Variants in CDHR2 observed in about 807,000 individuals in gnomAD.
CDHR2 encodes cadherin-related family member 2.
In CDHR2, 104 loss-of-function variants were observed where a neutral mutation model predicts 138.6. The observed-to-expected ratio is 0.75, with a 90% confidence interval of 0.64 to 0.88. The LOEUF is 0.88. Ranked by LOEUF, CDHR2 falls within the 40% of genes least tolerant of loss-of-function variation. CDHR2 has a pLI of 0.00. For missense variants in CDHR2, 1,624 were observed against 1,727.6 expected, an observed-to-expected ratio of 0.94 and a Z score of 1.06; for synonymous variants, 755 against 742.8, an observed-to-expected ratio of 1.02 and a Z score of -0.27.
chr5:176,548,901 G>C (rs1186641549), upstream of CDHR2, among the ~76,000 whole-genome samples: 4 of 152,110 alleles, frequency 2.6e-5, no homozygotes, highest in Non-Finnish European at 5.9e-5. Context: ...AGTCCTCCAC[G>C]AGAACCTCAC....
At chr5:176,544,362 C>CT (rs1382350241), upstream of CDHR2, among the ~76,000 whole-genome samples, 1 of 93,218 alleles carries the variant, frequency 1.1e-5, no homozygotes, top group African/African-American at 3.8e-5. Flanking sequence ...CTTTTCTTTT[C>CT]TTTCTTTCTT....
rs1412799507 is a variant in CDHR2 at position 176,568,988 on chromosome 5, C to T, written c.293C>T (p.Ser98Phe). 1 of 1,614,156 alleles carries T rather than the reference C, an allele frequency of 6.2e-7. No individual in the cohort carries two copies. The highest frequency in any genetic ancestry group is 1.7e-5 in the Admixed American group (1 of 60,026). The change falls in exon 5 of 32, where the codon TCC becomes TTC. Residue 98 changes from serine (S) to phenylalanine (F), a missense_variant. Ser to Phe is a radical substitution (Grantham distance 155, BLOSUM62 -2). Coordinates refer to ENST00000261944, the MANE Select transcript of CDHR2 (RefSeq NM_017675.6). The stretch of plus-strand genomic sequence containing the variant: ...CTCTACACATTCAAAGTCACCATCT[C>T]CGTGAGCGACCCCTACATCCAGGTG... ...ETLYTFKVTISVSDPYIQVQR... is the reference protein window; with the variant it reads ...ETLYTFKVTIFVSDPYIQVQR...
chr5:176,565,384 T>C lies in CDHR2; in HGVS notation c.32T>C (p.Leu11Pro). The change falls in exon 2 of 32, where the codon CTT becomes CCT. Residue 11 changes from leucine to proline, a missense_variant. By Grantham distance (98) the Leu-to-Pro change is moderately conservative. Coordinates refer to ENST00000261944, the MANE Select transcript of CDHR2 (RefSeq NM_017675.6). MAQLWLSCFL[L>P]PALVVSVAAN... is the part of the protein sequence containing the mutation. ...CAGCTATGGCTGTCCTGCTTCCTCC[T>C]TCCTGCCCTCGTGGTGTCTGGTAGG... 2 of 1,614,126 alleles carry C rather than the reference T, an allele frequency of 1.2e-6. No homozygotes were observed. Among genetic ancestry groups the C allele is most frequent in the Non-Finnish European group, 1.7e-6 (2 of 1,179,988 alleles).
chr5:176,552,608 G>A (rs10054967), intron 1 of CDHR2, among the ~76,000 whole-genome samples: 4,155 of 152,114 alleles, frequency 0.027, 218 homozygotes, highest in African/African-American at 0.095. Flanking sequence ...TTGCGCCTTC[G>A]CCAGCCCACA....
intron 28 of CDHR2, among the ~76,000 whole-genome samples, 190 bp downstream of exon 28, chr5:176,590,877 G>C (rs1758827109): frequency 1.3e-5 from 2 of 152,138 alleles, no homozygotes; most frequent in African/African-American, 4.8e-5. Flanking sequence ...TCTGTGAAAG[G>C]GCATGAGACT....
In CDHR2 at chr5:176,577,641, T is replaced by C; in HGVS notation, c.1355T>C (p.Val452Ala). Residue 452 changes from valine to alanine, a missense_variant, in exon 14 of 32, where the codon GTG becomes GCG. Physicochemically the swap from Val to Ala is moderately conservative, Grantham distance 64. This residue lies in a region of CDHR2 where 1,061 missense variants were observed against 1,136.6 expected (regional missense o/e 0.93). Transcript: ENST00000261944. The stretch of plus-strand genomic sequence containing the variant: ...TGCCTCCTCCCCTGCCCCCAGGTTG[T>C]GGCCACAGACTCCGTCAGCCAGAAC... ...ERQTAMAVQV[V>A]ATDSVSQNFS... The C allele has an allele frequency of 6.2e-7, 1 of 1,614,194 alleles. No homozygotes were observed. The highest frequency in any genetic ancestry group is 8.5e-7 in the Non-Finnish European group (1 of 1,180,014).
intron 1 of CDHR2, among the ~76,000 whole-genome samples, chr5:176,558,506 C>A (rs1283875483): frequency 6.6e-6 from 1 of 152,136 alleles, no homozygotes; most frequent in African/African-American, 2.4e-5. Flanking sequence ...GCCTCAGCCT[C>A]CCAGGTAGCT....
chr5:176,592,316 GTGGTGT>G (rs1242171567), intron 30 of CDHR2, among the ~76,000 whole-genome samples: 1 of 146,574 alleles, frequency 6.8e-6, no homozygotes, highest in African/African-American at 2.6e-5. Flanking sequence ...GGTGGTGGTG[GTGGTGT>G]TGGTGTTGAG....
Position 176,589,635 on chromosome 5 carries a change from G to A in CDHR2, c.3206+19G>A, listed in dbSNP as rs189614387. The A allele has an allele frequency of 1.5e-4, 238 of 1,610,532 alleles. No homozygotes were observed. The highest frequency in any genetic ancestry group is 1.2e-3 in the Middle Eastern group (7 of 6,054). ...TTAATGCGTAGGTCTGGGGAGCCCC[G>A]GAGGGAGGGGTAGGAAGAACAGGGT... On this transcript the variant is annotated intron_variant, in intron 24 of 31. Coordinates refer to ENST00000261944, the MANE Select transcript of CDHR2 (RefSeq NM_017675.6).
At chr5:176,570,305 G>A (rs1248520321) in intron 5 of CDHR2, among the ~76,000 whole-genome samples, 6 of 152,300 alleles carry the variant, frequency 3.9e-5, no homozygotes, top group African/African-American at 7.2e-5. Flanking sequence ...CAAACAAAGC[G>A]AACGTGCACA....
chr5:176,577,872 G>GTGTA (rs2113302661), intron 14 of CDHR2, 74 bp downstream of exon 14: 2 of 1,535,556 alleles, frequency 1.3e-6, no homozygotes, highest in African/African-American at 2.7e-5. Flanking sequence ...GAGAGTGTGT[G>GTGTA]TGTGTGTATG....
chr5:176,586,098 T>A, intron 20 of CDHR2, 73 bp downstream of exon 20: 1 of 1,204,042 alleles, frequency 8.3e-7, no homozygotes, highest in South Asian at 1.2e-5. Context: ...CGACAGACCC[T>A]CCTTGGACCC....
rs951583952 is a variant in CDHR2, at chr5:176,557,973, T to G, written c.-15-7365T>G. On this transcript the variant is annotated intron_variant, in intron 1 of 31. Coordinates refer to ENST00000261944, the MANE Select transcript of CDHR2 (RefSeq NM_017675.6). Reference sequence around the variant, plus strand: ...CACCCGCCTTGGCCTCCCAAAGTGCTGGGATTGCAGGTGTGAGCCACCGAG... The same window carrying G: ...CACCCGCCTTGGCCTCCCAAAGTGCGGGGATTGCAGGTGTGAGCCACCGAG... Among the ~76,000 whole-genome samples, 4 of 152,154 alleles carry G rather than the reference T, an allele frequency of 2.6e-5. 2 individuals are homozygous for G. In the South Asian group the frequency reaches 8.3e-4, roughly 32 times the overall value.
intron 9 of CDHR2, 40 bp downstream of exon 9, chr5:176,575,466 G>A: frequency 1.2e-6 from 2 of 1,614,172 alleles, no homozygotes; most frequent in Non-Finnish European, 1.7e-6. Context: ...GAGGCGGGAG[G>A]CGGGGAAGTT....
Position 176,575,321 on chromosome 5 carries a change from C to T in CDHR2, c.663C>T (p.Cys221=), listed in dbSNP as rs775644383. The part of the protein sequence containing the change: ...GMYHNTFTIQ[C]SLPVFLSISV... ...ACCACAACACCTTCACCATCCAGTGCTCCCTGCCTGTCTTCCTGTCCATCT... is the reference window on the plus strand; with the variant it reads ...ACCACAACACCTTCACCATCCAGTGTTCCCTGCCTGTCTTCCTGTCCATCT... Residue 221 remains cysteine, a synonymous_variant, in exon 9 of 32, where the codon TGC becomes TGT. Coordinates refer to ENST00000261944, the MANE Select transcript of CDHR2 (RefSeq NM_017675.6). 27 of 1,614,158 alleles carry T rather than the reference C, an allele frequency of 1.7e-5. No individual in the cohort carries two copies. The Admixed American group carries it at 3.2e-4, about 19-fold the overall frequency.
chr5:176,588,924 G>A (rs1581149793), intron 21 of CDHR2, 107 bp from the exon 22 acceptor site: 1 of 1,134,360 alleles, frequency 8.8e-7, no homozygotes, highest in African/African-American at 1.5e-5. Context: ...GGCGGATAGA[G>A]ACGGTGAGGG....
At chr5:176,550,367 G>A (rs1247134248) in intron 1 of CDHR2, among the ~76,000 whole-genome samples, 3 of 152,212 alleles carry the variant, frequency 2.0e-5, no homozygotes, top group African/African-American at 7.2e-5. Context: ...ATAGGCACTG[G>A]GAGGGCCCGT....
At position 176,565,376 on chromosome 5, in the gene CDHR2, C is replaced by T; in HGVS notation, c.24C>T (p.Cys8=). ...TGATGGCCCAGCTATGGCTGTCCTG[C>T]TTCCTCCTTCCTGCCCTCGTGGTGT... MAQLWLS[C]FLLPALVVSV... is the part of the protein sequence containing the mutation. Residue 8 remains cysteine, a synonymous_variant, in exon 2 of 32, where the codon TGC becomes TGT. Transcript: ENST00000261944. The T allele has an allele frequency of 6.2e-7, 1 of 1,614,128 alleles. No individual in the cohort carries two copies. The highest frequency in any genetic ancestry group is 1.3e-5 in the African/African-American group (1 of 75,042).
chr5:176,585,358 C>G (rs1262683891), intron 19 of CDHR2, among the ~76,000 whole-genome samples: 1 of 152,254 alleles, frequency 6.6e-6, no homozygotes, highest in East Asian at 1.9e-4. Flanking sequence ...TATCCCACTT[C>G]TGACACCAAA....
Sources: gnomAD v4.1 joint callset for allele counts (sites outside exome capture counted in the v4.1 genomes callset) on GRCh38, gnomAD v4.1.1 for gene constraint, gnomAD v4.1.1 regional missense constraint, MANE v1.5 for transcripts, NCBI Gene and HGNC (gene_info 2026-07-23, HGNC 2026-07-21) for gene names.